PKHD1: variants seen among roughly 807,000 people sequenced by gnomAD.
PKHD1 encodes fibrocystin.
A neutral mutation model predicts 412.0 loss-of-function variants in PKHD1; 291 were observed. That is an observed-to-expected ratio of 0.71 (90% confidence interval 0.64 to 0.78). PKHD1 has a LOEUF of 0.78. Among genes scored for constraint, PKHD1 ranks in the 30% least tolerant of loss-of-function variants. PKHD1 has a pLI of 0.00. For synonymous variants in PKHD1, 1,777 were observed against 1,821.5 expected (o/e 0.98, Z 0.62); for missense variants, 4,825 against 4,950.7 (o/e 0.97, Z 0.76).
chr6:51,717,808 A>G (rs1781456644), intron 60 of PKHD1, among the ~76,000 whole-genome samples: 1 of 152,220 alleles, frequency 6.6e-6, no homozygotes, highest in African/African-American at 2.4e-5. Context: ...GAAGGGACAC[A>G]GGCATGAAGG....
At chr6:51,748,720 G>A (rs1785591196) in intron 57 of PKHD1, 55 bp from the exon 58 acceptor site, 2 of 1,477,690 alleles carry the variant, frequency 1.4e-6, no homozygotes, top group Non-Finnish European at 1.9e-6. Context: ...AAAGGCTGAA[G>A]AATGGCCCAT....
chr6:51,649,070 C>T lies in PKHD1; in HGVS notation c.11310+15G>A, dbSNP rs371830592. Reference sequence around the variant, plus strand: ...CTTAGCTCTAAAGACAGATTTGTTACCTGTGAAAAGTTACCTGCTCATCCA... The same window carrying T: ...CTTAGCTCTAAAGACAGATTTGTTATCTGTGAAAAGTTACCTGCTCATCCA... On this transcript the variant is annotated intron_variant, in intron 62 of 66. Coordinates refer to ENST00000371117, the MANE Select transcript of PKHD1 (RefSeq NM_138694.4). The T allele has an allele frequency of 2.5e-6, 4 of 1,611,652 alleles. No individual in the cohort carries two copies. The highest frequency in any genetic ancestry group is 1.6e-4 in the Middle Eastern group (1 of 6,078).
In PKHD1 at chr6:52,056,952, A is replaced by G. The variant is rs1460158317; in HGVS notation, c.1540T>C (p.Phe514Leu). ...GAGACATTGTCCCAAGTAAGGAAGA[A>G]GTTTCCTCTGCCTGATACATTCAGC... is the stretch of plus-strand genomic sequence containing the variant. Reference protein sequence around the residue: ...QVLNVSGRGNFFLTWDNVSSQ... With the variant: ...QVLNVSGRGNLFLTWDNVSSQ... Residue 514 changes from phenylalanine (F) to leucine (L), a missense_variant, in exon 17 of 67, where the codon TTC (phenylalanine) becomes CTC (leucine). Physicochemically the swap from Phe to Leu is conservative, Grantham distance 22. Transcript: ENST00000371117. 2 of 1,613,802 alleles carry G rather than the reference A, an allele frequency of 1.2e-6. No homozygotes were observed. The highest frequency in any genetic ancestry group is 1.1e-5 in the South Asian group (1 of 91,066).
chr6:51,700,580 G>A (rs905293485), intron 60 of PKHD1, among the ~76,000 whole-genome samples: 1 of 151,996 alleles, frequency 6.6e-6, no homozygotes. Context: ...TCTCTCCCCA[G>A]CTCAGACTAC....
intron 60 of PKHD1, among the ~76,000 whole-genome samples, chr6:51,710,557 C>T (rs1780536982): frequency 6.6e-6 from 1 of 152,028 alleles, no homozygotes; most frequent in African/African-American, 2.4e-5. Context: ...AGTTCTACAT[C>T]TTTTAATTTC....
At position 51,998,155 on chromosome 6, in the gene PKHD1, A is replaced by G. The variant is rs191740091; in HGVS notation, c.5751+12154T>C. Among the ~76,000 whole-genome samples the G allele has an allele frequency of 7.4e-4, 113 of 152,262 alleles. 1 individual carries two copies. The highest frequency in any genetic ancestry group is 6.6e-3 in the East Asian group (34 of 5,184). On this transcript the variant is annotated intron_variant, in intron 35 of 66. Transcript: ENST00000371117. ...CTACAGATGTTGGCAAATCTCTTGGACAGAACAACTGTCCCCCATATGTTG... is the reference window on the plus strand; with the variant it reads ...CTACAGATGTTGGCAAATCTCTTGGGCAGAACAACTGTCCCCCATATGTTG...
intron 64 of PKHD1, among the ~76,000 whole-genome samples, chr6:51,634,125 C>T (rs555563562): frequency 3.9e-5 from 6 of 151,928 alleles, no homozygotes; most frequent in African/African-American, 1.4e-4. Flanking sequence ...TCATTCAAAA[C>T]AAACAAGCAA....
chr6:51,941,009 G>T (rs914828023), intron 36 of PKHD1, among the ~76,000 whole-genome samples: 20 of 150,998 alleles, frequency 1.3e-4, no homozygotes, highest in African/African-American at 4.8e-4. Context: ...CCTCACTGCT[G>T]CCCTTTACCC....
At chr6:52,072,777 T>C (rs1810826974) in intron 7 of PKHD1, among the ~76,000 whole-genome samples, 2 of 152,194 alleles carry the variant, frequency 1.3e-5, no homozygotes, top group Non-Finnish European at 2.9e-5. Flanking sequence ...ATGGAATCTA[T>C]GCAGCTGAGT....
At chr6:51,745,681 G>A (rs945911952) in intron 59 of PKHD1, among the ~76,000 whole-genome samples, 1 of 152,110 alleles carries the variant, frequency 6.6e-6, no homozygotes, top group Non-Finnish European at 1.5e-5. Context: ...TTCAACCTGG[G>A]TGACACAGTG....
At chr6:51,903,516 C>G (rs945323322) in intron 43 of PKHD1, 81 bp downstream of exon 43, 2 of 1,294,444 alleles carry the variant, frequency 1.5e-6, no homozygotes, top group African/African-American at 1.5e-5. Context: ...CCAGGGAAGC[C>G]AAAAGGTTGG....
chr6:51,648,015 C>G lies in PKHD1; in HGVS notation c.11398+16G>C, dbSNP rs375337813. ...AGTGGTAACAGATATCTGAAATTTA[C>G]AGATACTTTACCTACCTTTTAGCAC... is the stretch of plus-strand genomic sequence containing the variant. On this transcript the variant is annotated intron_variant, in intron 63 of 66. Coordinates refer to ENST00000371117, the MANE Select transcript of PKHD1 (RefSeq NM_138694.4). 7.0e-7 allele frequency: 1 copy of G among 1,432,876 alleles called. No homozygotes were observed. Among genetic ancestry groups the G allele is most frequent in the South Asian group, 1.1e-5 (1 of 87,486 alleles). The allele number at this position is 1,432,876 out of a possible 1,614,324, so 88.8% of individuals were successfully genotyped here.
chr6:51,811,241 ATTCAC>A (rs1764640043), intron 52 of PKHD1, among the ~76,000 whole-genome samples: 1 of 152,154 alleles, frequency 6.6e-6, no homozygotes, highest in Admixed American at 6.6e-5. Context: ...TAGGCTATGA[ATTCAC>A]TTTAAGATCA....
intron 53 of PKHD1, among the ~76,000 whole-genome samples, chr6:51,784,264 G>GT (rs11435548): frequency 0.59 from 89,031 of 151,848 alleles, 26,861 homozygotes; most frequent in East Asian, 0.83. Flanking sequence ...AGTAATTGTG[G>GT]TTTTTGCCAT....
chr6:51,964,546 T>A (rs1386765036), intron 35 of PKHD1, among the ~76,000 whole-genome samples: 1 of 152,128 alleles, frequency 6.6e-6, no homozygotes, highest in Non-Finnish European at 1.5e-5. Context: ...TAATAGAATG[T>A]AAGCTTCACA....
In PKHD1 at chr6:51,868,091, G is replaced by A. The variant is rs771072100; in HGVS notation, c.7505C>T (p.Thr2502Ile). The change falls in exon 48 of 67, where the codon ACC becomes ATC. Residue 2502 changes from threonine to isoleucine, a missense_variant. Thr to Ile is a moderately conservative substitution (Grantham distance 89, BLOSUM62 -1). Transcript: ENST00000371117. The stretch of plus-strand genomic sequence containing the variant: ...AGAGTTTGTAAACTTCAACTGGCTG[G>A]TCTTCACAGTAAATCCACCTATAAA... ...SQGQGGFTVK[T>I]SQLKFTNSSN... 3 of 1,611,702 alleles carry A rather than the reference G, an allele frequency of 1.9e-6. No individual in the cohort carries two copies. Among genetic ancestry groups the A allele is most frequent in the Admixed American group, 1.7e-5 (1 of 59,910 alleles).
intron 53 of PKHD1, among the ~76,000 whole-genome samples, chr6:51,784,789 AC>A (rs1171762667): frequency 6.6e-6 from 1 of 151,988 alleles, no homozygotes; most frequent in Non-Finnish European, 1.5e-5. Flanking sequence ...CTCCCTCGGG[AC>A]CTTTGCACTA....
chr6:52,063,694 A>C (rs115918703), intron 13 of PKHD1, among the ~76,000 whole-genome samples: 4,705 of 152,258 alleles, frequency 0.031, 102 homozygotes, highest in Non-Finnish European at 0.047. Context: ...GCCTCAGCCC[A>C]CTAGATGTCA....
At chr6:52,057,250 C>T (rs555532102) in intron 16 of PKHD1, among the ~76,000 whole-genome samples, 129 of 152,320 alleles carry the variant, frequency 8.5e-4, no homozygotes, top group Middle Eastern at 6.8e-3. Flanking sequence ...GAATGCTGCA[C>T]TTTCAGCCCC....
Sources: gnomAD v4.1 joint callset for allele counts (sites outside exome capture counted in the v4.1 genomes callset) on GRCh38, gnomAD v4.1.1 for gene constraint, MANE v1.5 for transcripts, NCBI Gene and HGNC (gene_info 2026-07-23, HGNC 2026-07-21) for gene names.